The following RIMS2 variants were observed in gnomAD, a reference collection of about 807,000 sequenced individuals.
RIMS2 encodes regulating synaptic membrane exocytosis 2.
A neutral mutation model predicts 174.4 loss-of-function variants in RIMS2; 59 were observed. The ratio of observed to expected loss-of-function variants is 0.34; its 90% CI spans 0.27 to 0.42. RIMS2 has a LOEUF of 0.42. Ranked by LOEUF, RIMS2 falls within the 10% of genes least tolerant of loss-of-function variation. RIMS2 has a pLI of 1.00. For missense variants in RIMS2, 1,620 were observed against 1,666.3 expected (o/e 0.97, Z 0.48); for synonymous variants, 606 against 572.5 (o/e 1.06, Z -0.84).
intron 2 of RIMS2, among the ~76,000 whole-genome samples, chr8:103,724,582 A>G (rs968438119): frequency 1.3e-5 from 2 of 152,214 alleles, no homozygotes; most frequent in Admixed American, 1.3e-4. Flanking sequence ...ATTCTCCAAT[A>G]TTTTATCTTT....
intron 3 of RIMS2, among the ~76,000 whole-genome samples, chr8:103,791,551 A>G (rs1307376814): frequency 6.6e-6 from 1 of 152,178 alleles, no homozygotes; most frequent in Non-Finnish European, 1.5e-5. Context: ...TAATGACAGG[A>G]TAAAATTCAC....
At chr8:103,568,560 G>T (rs1237973767) in intron 1 of RIMS2, 2 of 475,536 alleles carry the variant, frequency 4.2e-6, no homozygotes, top group African/African-American at 2.0e-5. Context: ...AAGTCTGGAA[G>T]AGACTGGCCA....
At chr8:103,744,487 T>G (rs2097789271) in intron 2 of RIMS2, among the ~76,000 whole-genome samples, 1 of 152,218 alleles carries the variant, frequency 6.6e-6, no homozygotes, top group Non-Finnish European at 1.5e-5. Context: ...TAAATTTAAT[T>G]TTATGGAACA....
intron 19 of RIMS2, among the ~76,000 whole-genome samples, chr8:104,059,287 C>T (rs1241373069): frequency 6.7e-6 from 1 of 149,090 alleles, no homozygotes; most frequent in Non-Finnish European, 1.5e-5. Context: ...TCCTTCACAT[C>T]CCTTGTAAGT....
intron 1 of RIMS2, chr8:103,559,236 T>A (rs1024131839): frequency 1.0e-5 from 2 of 194,498 alleles, no homozygotes; most frequent in Non-Finnish European, 2.1e-5. Context: ...TTCTTCTTCT[T>A]TTTCATCTCT....
intron 19 of RIMS2, among the ~76,000 whole-genome samples, chr8:104,118,191 T>A (rs1422239377): frequency 1.3e-5 from 2 of 151,896 alleles, no homozygotes; most frequent in Non-Finnish European, 2.9e-5. Context: ...AATATGAAAA[T>A]TTTAGAATAT....
At chr8:103,772,440 T>C (rs2098264265) in intron 3 of RIMS2, among the ~76,000 whole-genome samples, 1 of 152,042 alleles carries the variant, frequency 6.6e-6, no homozygotes, top group Non-Finnish European at 1.5e-5. Flanking sequence ...ATGAAGTACT[T>C]AGTTATAAAT....
chr8:104,030,400 TAAAA>T (rs976838910), intron 19 of RIMS2, among the ~76,000 whole-genome samples: 1 of 152,142 alleles, frequency 6.6e-6, no homozygotes, highest in African/African-American at 2.4e-5. Flanking sequence ...AACATATAAA[TAAAA>T]AGAAAGACAA....
At position 104,251,166 on chromosome 8, in the gene RIMS2, A is replaced by T; in HGVS notation, c.3831+3A>T. ...GTCCACAAGGAAAAGTTTTACAGGTATCTACTTAATTGTTTATCCCTTACC... is the reference window on the plus strand; with the variant it reads ...GTCCACAAGGAAAAGTTTTACAGGTTTCTACTTAATTGTTTATCCCTTACC... On this transcript the variant is annotated splice_donor_region_variant and intron_variant, in intron 23 of 23. Transcript: ENST00000504942. 1.2e-6 allele frequency: 2 copies of T among 1,606,684 alleles called. No individual in the cohort carries two copies. Among genetic ancestry groups the T allele is most frequent in the Non-Finnish European group, 1.7e-6 (2 of 1,175,414 alleles).
intron 19 of RIMS2, among the ~76,000 whole-genome samples, chr8:104,174,780 T>A (rs1478372612): frequency 6.6e-6 from 1 of 152,228 alleles, no homozygotes; most frequent in East Asian, 1.9e-4. Flanking sequence ...ATTGTGAAGC[T>A]GGAGAATTTT....
rs1191921880 is a variant in RIMS2, at chr8:103,714,927, G to T, written c.387+17631G>T. ...AGGGTAAGATGTTGACTATTTAAAA[G>T]AAATTTTAACATGTAATTATATTAT... On this transcript the variant is annotated intron_variant, in intron 2 of 23. Transcript: ENST00000504942. Among the ~76,000 whole-genome samples the T allele has an allele frequency of 9.2e-5, 14 of 152,116 alleles. No individual in the cohort carries two copies. The East Asian group carries it at 2.7e-3, about 29-fold the overall frequency.
chr8:103,548,963 G>A (rs574106128), intron 1 of RIMS2, among the ~76,000 whole-genome samples: 1 of 152,162 alleles, frequency 6.6e-6, no homozygotes, highest in South Asian at 2.1e-4. Flanking sequence ...AGCTAACTAG[G>A]GAGGTGAAAG....
At chr8:104,163,987 G>A (rs1009951162) in intron 19 of RIMS2, among the ~76,000 whole-genome samples, 8 of 151,932 alleles carry the variant, frequency 5.3e-5, no homozygotes, top group African/African-American at 1.9e-4. Context: ...ATTAACTGAG[G>A]TATTGAGGAA....
intron 19 of RIMS2, among the ~76,000 whole-genome samples, chr8:104,226,908 T>C (rs992245162): frequency 2.6e-5 from 4 of 152,256 alleles, no homozygotes; most frequent in Non-Finnish European, 5.9e-5. Context: ...TTCATTATTA[T>C]ATGACATTTC....
chr8:103,892,005 T>A (rs958373506), intron 4 of RIMS2, among the ~76,000 whole-genome samples: 1 of 152,054 alleles, frequency 6.6e-6, no homozygotes, highest in Non-Finnish European at 1.5e-5. Flanking sequence ...TTTTTTATAA[T>A]TTTTAAGTAA....
At chr8:104,201,039 G>C (rs1191894124) in intron 19 of RIMS2, among the ~76,000 whole-genome samples, 1 of 152,128 alleles carries the variant, frequency 6.6e-6, no homozygotes, top group Non-Finnish European at 1.5e-5. Context: ...TGGGTAAATT[G>C]CATCACTGGG....
At chr8:103,684,915 C>A (rs904606029) in intron 1 of RIMS2, among the ~76,000 whole-genome samples, 3 of 152,038 alleles carry the variant, frequency 2.0e-5, no homozygotes, top group African/African-American at 7.2e-5. Flanking sequence ...TTAAAGAAAT[C>A]TTTTCCTAAC....
chr8:104,041,796 A>G (rs948905207), intron 19 of RIMS2, among the ~76,000 whole-genome samples: 8 of 151,698 alleles, frequency 5.3e-5, no homozygotes, highest in Non-Finnish European at 8.9e-5. Context: ...CAAAGACCTA[A>G]TACCCTAAAA....
At chr8:103,756,816 C>G (rs1466671245) in intron 2 of RIMS2, among the ~76,000 whole-genome samples, 1 of 152,024 alleles carries the variant, frequency 6.6e-6, no homozygotes, top group Non-Finnish European at 1.5e-5. Flanking sequence ...GTTTATTTTG[C>G]TTAATCATGA....
Sources: allele counts gnomAD v4.1 joint callset (sites outside exome capture counted in the v4.1 genomes callset), GRCh38; gene constraint gnomAD v4.1.1; transcripts MANE v1.5; gene names NCBI Gene and HGNC (gene_info 2026-07-23, HGNC 2026-07-21).